Variants in OR4K17 observed in about 807,000 individuals in gnomAD.
The protein encoded by OR4K17 is olfactory receptor 4K17.
For synonymous variants in OR4K17, 157 were observed against 132.8 expected (o/e 1.18, Z -1.25); for missense variants, 480 against 366.3 (o/e 1.31, Z -2.53).
rs768440347 is a variant in OR4K17, at chr14:20,117,874, C to T, written c.375C>T (p.Ala125=). 1.9e-6 allele frequency: 3 copies of T among 1,613,810 alleles called. No individual in the cohort carries two copies. The highest frequency in any genetic ancestry group is 2.5e-6 in the Non-Finnish European group (3 of 1,180,002). Residue 125 remains alanine (A), a synonymous_variant, in exon 2 of 2, where the codon GCC becomes GCT. Coordinates refer to ENST00000641386, the MANE Select transcript of OR4K17 (RefSeq NM_001004715.5). ...CCATGGCTTTTGACAGATATGTGGC[C>T]ATTTGTAAGCCCCTACACTACATGA... ...LVSMAFDRYV[A]ICKPLHYMTI... is the part of the protein sequence containing the mutation.
chr14:20,113,390 C>T (rs927907567), intron 1 of OR4K17, among the ~76,000 whole-genome samples: 1 of 151,704 alleles, frequency 6.6e-6, no homozygotes, highest in Admixed American at 6.6e-5. Context: ...GGTCATGGAC[C>T]CTTAATTTGG....
Position 20,118,666 on chromosome 14 carries a change from C to A in OR4K17, c.*228C>A. The A allele has an allele frequency of 2.9e-6, 1 of 345,570 alleles. No individual in the cohort carries two copies. Among genetic ancestry groups the A allele is most frequent in the Non-Finnish European group, 5.3e-6 (1 of 190,170 alleles). 21.4% of individuals were successfully genotyped at this position (345,570 alleles called of 1,614,324 possible). A position where few individuals can be genotyped will look rare whatever the true frequency, so the allele number is the denominator to read the frequency against. ...ACATGTCAGCGGGTTCCGTGATGCC[C>A]CCCAAGCTGCAAAACCAGCAAGTTT... On this transcript the variant is annotated 3_prime_UTR_variant, in exon 2 of 2. Transcript: ENST00000641386.
chr14:20,112,654 C>T (rs1404492320), intron 1 of OR4K17, among the ~76,000 whole-genome samples: 1 of 152,050 alleles, frequency 6.6e-6, no homozygotes, highest in Non-Finnish European at 1.5e-5. Context: ...AAGACCAGAG[C>T]ACCAGCTCAA....
chr14:20,117,309 C>A, intron 1 of OR4K17, 159 bp from the exon 2 acceptor site: 2 of 814,916 alleles, frequency 2.5e-6, no homozygotes, highest in Non-Finnish European at 3.9e-6. Flanking sequence ...ACAGCTCAGA[C>A]TATACGTCTC....
chr14:20,120,042 G>A lies in OR4K17; in HGVS notation c.*1604G>A, dbSNP rs1878124956. On this transcript the variant is annotated 3_prime_UTR_variant, in exon 2 of 2. Transcript: ENST00000641386. The stretch of plus-strand genomic sequence containing the variant: ...AAATGTTGACTGAGTTATAAAAGGT[G>A]TCAGAGACTCACTTGTCCTTCAGAG... The A allele has an allele frequency of 6.6e-6, 1 of 152,148 alleles. No homozygotes were observed. The highest frequency in any genetic ancestry group is 2.4e-5 in the African/African-American group (1 of 41,426). 9.4% of individuals were successfully genotyped at this position (152,148 alleles called of 1,614,324 possible).
At chr14:20,113,589 T>G (rs898864734) in intron 1 of OR4K17, among the ~76,000 whole-genome samples, 2 of 152,100 alleles carry the variant, frequency 1.3e-5, no homozygotes, top group Non-Finnish European at 2.9e-5. Flanking sequence ...ATTTGTTAAT[T>G]TCTGTGATAT....
intron 1 of OR4K17, among the ~76,000 whole-genome samples, chr14:20,115,814 C>T (rs1438384309): frequency 6.6e-6 from 1 of 151,796 alleles, no homozygotes; most frequent in Non-Finnish European, 1.5e-5. Context: ...GTCATATGGC[C>T]CTGGAGCAAA....
chr14:20,117,817 A>G lies in OR4K17; in HGVS notation c.318A>G (p.Leu106=), dbSNP rs1355360324. ...TCACTCAGATATTTCTCCTTCACTT[A>G]CTGGGTGGGGTTGAAATGGTACTGT... ...GCFTQIFLLH[L]LGGVEMVLLV... is the part of the protein sequence containing the mutation. Residue 106 remains leucine (L), a synonymous_variant, in exon 2 of 2, where the codon TTA becomes TTG. Coordinates refer to ENST00000641386, the MANE Select transcript of OR4K17 (RefSeq NM_001004715.5). 1 of 1,613,924 alleles carries G rather than the reference A, an allele frequency of 6.2e-7. No homozygotes were observed. Among genetic ancestry groups the G allele is most frequent in the African/African-American group, 1.3e-5 (1 of 74,862 alleles).
intron 1 of OR4K17, among the ~76,000 whole-genome samples, chr14:20,114,761 C>A (rs1047494376): frequency 6.6e-6 from 1 of 152,046 alleles, no homozygotes; most frequent in East Asian, 1.9e-4. Flanking sequence ...CCAGGGATCA[C>A]TCCACCTGAT....
intron 1 of OR4K17, among the ~76,000 whole-genome samples, chr14:20,113,635 G>C (rs950475723): frequency 1.3e-5 from 2 of 152,008 alleles, no homozygotes; most frequent in Non-Finnish European, 1.5e-5. Flanking sequence ...AACATAAAAA[G>C]TAATGACCAG....
chr14:20,114,706 T>C (rs1351768806), intron 1 of OR4K17, among the ~76,000 whole-genome samples: 23 of 152,000 alleles, frequency 1.5e-4, no homozygotes, highest in Non-Finnish European at 2.9e-5. Flanking sequence ...CCTCATTCAC[T>C]GAAGTAATTT....
rs1452803355 is a variant in OR4K17, at chr14:20,119,496, G to A, written c.*1058G>A. The A allele has an allele frequency of 6.6e-6, 1 of 152,026 alleles. No homozygotes were observed. The highest frequency in any genetic ancestry group is 1.5e-5 in the Non-Finnish European group (1 of 68,018). 9.4% of individuals were successfully genotyped at this position (152,026 alleles called of 1,614,324 possible). ...GAGAAATTATACAAATATTAATTTG[G>A]GGAACTAATAAATGTCCATGAAATC... is the stretch of plus-strand genomic sequence containing the variant. On this transcript the variant is annotated 3_prime_UTR_variant, in exon 2 of 2. Transcript: ENST00000641386.
intron 1 of OR4K17, among the ~76,000 whole-genome samples, chr14:20,115,028 C>T (rs1486627078): frequency 6.6e-6 from 1 of 152,008 alleles, no homozygotes; most frequent in Non-Finnish European, 1.5e-5. Context: ...ATTACTATAG[C>T]CAAACCACTG....
At position 20,122,049 on chromosome 14, in the gene OR4K17, A is replaced by C. The variant is rs1311608684; in HGVS notation, c.*3611A>C. On this transcript the variant is annotated 3_prime_UTR_variant, in exon 2 of 2. Coordinates refer to ENST00000641386, the MANE Select transcript of OR4K17 (RefSeq NM_001004715.5). ...GACTTAAGCATCTATAGATTTTGAT[A>C]ATCACAGGGAGGTCTTGGAGTCTGT... 6.6e-6 allele frequency: 1 copy of C among 152,114 alleles called. No individual in the cohort carries two copies. Among genetic ancestry groups the C allele is most frequent in the Admixed American group, 6.6e-5 (1 of 15,254 alleles). The allele number at this position is 152,114 out of a possible 1,614,324, so 9.4% of individuals were successfully genotyped here.
chr14:20,114,012 G>C (rs1877934933), intron 1 of OR4K17, among the ~76,000 whole-genome samples: 1 of 152,098 alleles, frequency 6.6e-6, no homozygotes, highest in East Asian at 1.9e-4. Flanking sequence ...AATTGAAAAT[G>C]TGCAGAGTTG....
rs1555343862 is a variant in OR4K17 at position 20,121,365 on chromosome 14, CA to C, written c.*2930del. The C allele has an allele frequency of 6.6e-6, 1 of 151,746 alleles. No individual in the cohort carries two copies. The highest frequency in any genetic ancestry group is 1.5e-5 in the Non-Finnish European group (1 of 67,910). The allele number at this position is 151,746 out of a possible 1,614,324, so 9.4% of individuals were successfully genotyped here. A position where few individuals can be genotyped will look rare whatever the true frequency, so the allele number is the denominator to read the frequency against. On this transcript the variant is annotated 3_prime_UTR_variant, in exon 2 of 2. Transcript: ENST00000641386. ...TAATTCAACAAAATCAAGCAAACAACAAACAAAAAAATGGGGAAATTTGATG... is the reference window on the plus strand; with the variant it reads ...TAATTCAACAAAATCAAGCAAACAACAACAAAAAAATGGGGAAATTTGATG...
At chr14:20,112,862 A>C (rs1328673604) in intron 1 of OR4K17, among the ~76,000 whole-genome samples, 3 of 152,068 alleles carry the variant, frequency 2.0e-5, no homozygotes, top group African/African-American at 7.2e-5. Flanking sequence ...GCAAATTTCT[A>C]AGGCCATGGC....
chr14:20,113,132 C>CA (rs929601892), intron 1 of OR4K17, among the ~76,000 whole-genome samples: 9 of 151,352 alleles, frequency 5.9e-5, no homozygotes, highest in East Asian at 1.9e-4. Flanking sequence ...AATCCCATGC[C>CA]AAAAAAAATT....
chr14:20,116,384 G>T (rs1877992720), intron 1 of OR4K17, among the ~76,000 whole-genome samples: 1 of 151,930 alleles, frequency 6.6e-6, no homozygotes, highest in South Asian at 2.1e-4. Context: ...TTATTTTCCA[G>T]ATTGGAACAT....
Sources: allele counts gnomAD v4.1 joint callset (sites outside exome capture counted in the v4.1 genomes callset), GRCh38; gene constraint gnomAD v4.1.1; transcripts MANE v1.5; gene names NCBI Gene and HGNC (gene_info 2026-07-23, HGNC 2026-07-21).